CTDP1: variants seen among roughly 807,000 people sequenced by gnomAD.
CTDP1 encodes RNA polymerase II subunit A C-terminal domain phosphatase.
In CTDP1, 47 loss-of-function variants were observed where a neutral mutation model predicts 91.8. That is an observed-to-expected ratio of 0.51 (90% CI 0.41 to 0.65). The LOEUF is 0.65. Ranked by LOEUF, CTDP1 falls within the 30% of genes least tolerant of loss-of-function variation. The pLI, the probability that CTDP1 is intolerant of heterozygous loss-of-function variation, is 0.00. For synonymous variants in CTDP1, 656 were observed against 598.5 expected, an observed-to-expected ratio of 1.10 and a Z score of -1.40; for missense variants, 1,272 against 1,373.7, an observed-to-expected ratio of 0.93 and a Z score of 1.17.
intron 2 of CTDP1, among the ~76,000 whole-genome samples, chr18:79,695,619 G>T (rs779721076): frequency 3.9e-4 from 60 of 152,328 alleles, no homozygotes; most frequent in Non-Finnish European, 8.8e-5. Context: ...CCTCTGGGCC[G>T]CTGAGCGCCC....
intron 11 of CTDP1, 61 bp from the exon 12 acceptor site, chr18:79,736,294 C>T (rs986020199): frequency 6.5e-7 from 1 of 1,546,602 alleles, no homozygotes. Flanking sequence ...CGGGAGAAGC[C>T]TGTTGCGGAG....
At chr18:79,717,476 GT>G in intron 8 of CTDP1, 58 bp from the exon 9 acceptor site, 1 of 1,605,906 alleles carries the variant, frequency 6.2e-7, no homozygotes, top group Middle Eastern at 2.2e-4. Context: ...GCAGCCGGAT[GT>G]GGGCCCTGAG....
chr18:79,753,285 A>T (rs941770262), intron 12 of CTDP1, among the ~76,000 whole-genome samples: 2 of 152,250 alleles, frequency 1.3e-5, no homozygotes, highest in African/African-American at 4.8e-5. Context: ...GTGCTTGTTC[A>T]CATAACACTA....
At position 79,680,157 on chromosome 18, in the gene CTDP1, CG is replaced by C; in HGVS notation, c.215del (p.Gly72AlafsTer12). 6.4e-6 allele frequency: 9 copies of C among 1,399,712 alleles called. No homozygotes were observed. Among genetic ancestry groups the C allele is most frequent in the South Asian group, 1.5e-5 (1 of 65,696 alleles). 86.7% of individuals were successfully genotyped at this position (1,399,712 alleles called of 1,614,324 possible). A position where few individuals can be genotyped will look rare whatever the true frequency, so the allele number is the denominator to read the frequency against. ...SGASQSRVASGGCVRPARPER... is the reference protein window; with the variant it reads ...SGASQSRVASXGCVRPARPER... ...GGGCCTCTCAGTCCCGTGTAGCCTC[CG>C]GGGGCTGCGTGCGCCCCGCGCGGCC... On this transcript the variant is annotated frameshift_variant, in exon 1 of 13. Transcript: ENST00000613122. LOFTEE classifies it high-confidence loss of function.
intron 1 of CTDP1, among the ~76,000 whole-genome samples, chr18:79,686,557 T>C (rs999408672): frequency 2.6e-5 from 4 of 152,252 alleles, no homozygotes; most frequent in African/African-American, 9.6e-5. Flanking sequence ...TGTGCAAAAT[T>C]CCTTACAATG....
chr18:79,744,739 G>A (rs1398578887), intron 12 of CTDP1, among the ~76,000 whole-genome samples: 1 of 152,206 alleles, frequency 6.6e-6, no homozygotes, highest in Non-Finnish European at 1.5e-5. Context: ...GGCAGAAACT[G>A]ACAAGCAAAG....
rs899197197 is a variant in CTDP1, at chr18:79,718,022, T to C, written c.2417+6T>C. The C allele has an allele frequency of 6.2e-7, 1 of 1,612,608 alleles. No individual in the cohort carries two copies. Among genetic ancestry groups the C allele is most frequent in the African/African-American group, 1.3e-5 (1 of 74,930 alleles). Reference sequence around the variant, plus strand: ...CAGGAGCCCTCTTCCTTCAGGTACGTGGCGGCCCAGCCACTGTCCCCAGCT... The same window carrying C: ...CAGGAGCCCTCTTCCTTCAGGTACGCGGCGGCCCAGCCACTGTCCCCAGCT... On this transcript the variant is annotated splice_donor_region_variant and intron_variant, in intron 10 of 12. Transcript: ENST00000613122.
intron 1 of CTDP1, among the ~76,000 whole-genome samples, chr18:79,689,942 G>C (rs1372137347): frequency 6.6e-6 from 1 of 152,184 alleles, no homozygotes; most frequent in Non-Finnish European, 1.5e-5. Flanking sequence ...TTGAGGCATT[G>C]CCGCCTTGTC....
chr18:79,744,944 G>C (rs560817621), intron 12 of CTDP1, among the ~76,000 whole-genome samples: 1 of 152,338 alleles, frequency 6.6e-6, no homozygotes, highest in African/African-American at 2.4e-5. Flanking sequence ...GGAGGCTGGT[G>C]TGATGACAGT....
At chr18:79,719,525 C>T (rs147539995) in intron 10 of CTDP1, among the ~76,000 whole-genome samples, 21 of 152,142 alleles carry the variant, frequency 1.4e-4, no homozygotes, top group African/African-American at 4.3e-4. Flanking sequence ...TGTCACCTCC[C>T]GTTGTTAGGA....
At chr18:79,735,000 A>G (rs1045721109) in intron 11 of CTDP1, among the ~76,000 whole-genome samples, 17 of 152,336 alleles carry the variant, frequency 1.1e-4, no homozygotes, top group African/African-American at 3.6e-4. Context: ...GCCAGGGCAC[A>G]TGTGCTGTGA....
At chr18:79,685,906 C>T (rs2085483806) in intron 1 of CTDP1, among the ~76,000 whole-genome samples, 1 of 152,130 alleles carries the variant, frequency 6.6e-6, no homozygotes, top group South Asian at 2.1e-4. Context: ...TACTTTTATT[C>T]TTCCCTGTTG....
At chr18:79,697,389 T>C (rs371275806) in intron 3 of CTDP1, among the ~76,000 whole-genome samples, 9 of 152,350 alleles carry the variant, frequency 5.9e-5, no homozygotes, top group African/African-American at 1.7e-4. Flanking sequence ...CCCGATGCGC[T>C]GTTGCCAGGC....
intron 10 of CTDP1, among the ~76,000 whole-genome samples, chr18:79,723,608 G>A (rs1168505188): frequency 2.0e-5 from 3 of 152,150 alleles, no homozygotes; most frequent in Non-Finnish European, 4.4e-5. Context: ...GATATTTGTA[G>A]ATATATATGC....
chr18:79,684,580 C>T (rs886936486), intron 1 of CTDP1, among the ~76,000 whole-genome samples: 15 of 147,714 alleles, frequency 1.0e-4, no homozygotes, highest in Non-Finnish European at 1.6e-4. Context: ...TTGTTGTCAC[C>T]AGGCAAGGTG....
At chr18:79,748,201 T>G (rs958776495) in intron 12 of CTDP1, among the ~76,000 whole-genome samples, 4 of 152,262 alleles carry the variant, frequency 2.6e-5, no homozygotes, top group African/African-American at 9.6e-5. Context: ...TGTCTAATGT[T>G]CGAGGTAATT....
intron 4 of CTDP1, among the ~76,000 whole-genome samples, chr18:79,702,528 C>A (rs370943918): frequency 2.6e-5 from 4 of 152,202 alleles, no homozygotes; most frequent in East Asian, 3.9e-4. Flanking sequence ...CGTGTACCAC[C>A]ACACCCAGTT....
rs776512325 is a variant in CTDP1 at position 79,728,945 on chromosome 18, A to C, written c.2456A>C (p.Glu819Ala). The C allele has an allele frequency of 1.5e-5, 25 of 1,614,088 alleles. No individual in the cohort carries two copies. The East Asian group carries it at 5.6e-4, about 36-fold the overall frequency. The change falls in exon 11 of 13, where the codon GAG becomes GCG. Residue 819 changes from glutamate to alanine, a missense_variant. Physicochemically the swap from Glu to Ala is moderately radical, Grantham distance 107. This residue lies in a region of CTDP1 where 881 missense variants were observed against 911.6 expected (regional missense o/e 0.97). Transcript: ENST00000613122. ...CCCCAGCCGCAGATGTTTGGTGAAGAGCTGCCTGACGCTCAGGACGGAGAG... is the reference window on the plus strand; with the variant it reads ...CCCCAGCCGCAGATGTTTGGTGAAGCGCTGCCTGACGCTCAGGACGGAGAG... The part of the protein sequence containing the change: ...PPPQPQMFGE[E>A]LPDAQDGEQP...
rs1599247977 is a variant in CTDP1, at chr18:79,712,973, A to G, written c.865A>G (p.Asn289Asp). Residue 289 changes from asparagine to aspartate, a missense_variant and splice_region_variant, in exon 7 of 13, where the codon AAT becomes GAT. Physicochemically the swap from Asn to Asp is conservative, Grantham distance 23 (BLOSUM62 1). Coordinates refer to ENST00000613122, the MANE Select transcript of CTDP1 (RefSeq NM_004715.5). ...DPFSKTGNLR[N>D]LFPCGDSMVC... is the part of the protein sequence containing the mutation. Reference sequence around the variant, plus strand: ...TAAATTATGCATTTTCACTTGTAGAAATCTCTTTCCTTGTGGAGACTCAAT... The same window carrying G: ...TAAATTATGCATTTTCACTTGTAGAGATCTCTTTCCTTGTGGAGACTCAAT... 6.2e-7 allele frequency: 1 copy of G among 1,614,004 alleles called. No homozygotes were observed. Among genetic ancestry groups the G allele is most frequent in the Non-Finnish European group, 8.5e-7 (1 of 1,179,884 alleles).
Sources: allele counts gnomAD v4.1 joint callset (sites outside exome capture counted in the v4.1 genomes callset), GRCh38; gene constraint gnomAD v4.1.1; regional missense constraint gnomAD v4.1.1; transcripts MANE v1.5; gene names NCBI Gene and HGNC (gene_info 2026-07-23, HGNC 2026-07-21).